The following DAB1 variants were observed in gnomAD, a reference collection of about 807,000 sequenced individuals.
The protein encoded by DAB1 is disabled homolog 1.
Under a neutral mutation model 64.6 loss-of-function variants are expected in DAB1, and 15 were observed. That is an observed-to-expected ratio of 0.23 (90% CI 0.16 to 0.36). The LOEUF (loss-of-function observed/expected upper bound fraction) is 0.36, where lower values mean the gene tolerates loss of function less well. Among genes scored for constraint, DAB1 ranks in the 10% least tolerant of loss-of-function variants. The pLI, the probability that DAB1 is intolerant of heterozygous loss-of-function variation, is 1.00. For missense variants in DAB1, 596 were observed against 706.7 expected, an observed-to-expected ratio of 0.84 and a Z score of 1.78; for synonymous variants, 235 against 251.9, an observed-to-expected ratio of 0.93 and a Z score of 0.64.
chr1:57,691,138 G>A (rs1396118343), intron 6 of DAB1, among the ~76,000 whole-genome samples: 2 of 152,146 alleles, frequency 1.3e-5, no homozygotes, highest in Non-Finnish European at 2.9e-5. Flanking sequence ...GGGACTTGGA[G>A]AAGTTTTCTG....
intron 4 of DAB1, among the ~76,000 whole-genome samples, chr1:58,269,058 C>T (rs1289041638): frequency 6.6e-6 from 1 of 150,722 alleles, no homozygotes; most frequent in Admixed American, 6.6e-5. Context: ...TACATGTGCA[C>T]ATTGTGCAGG....
chr1:57,477,742 T>C lies in DAB1; in HGVS notation n.625+171850A>G, dbSNP rs548565860. Among the ~76,000 whole-genome samples, 4 of 152,066 alleles carry C rather than the reference T, an allele frequency of 2.6e-5. No individual in the cohort carries two copies. The South Asian group carries it at 6.2e-4, about 24-fold the overall frequency. On this transcript the variant is annotated intron_variant and non_coding_transcript_variant, in intron 7 of 20. Transcript: ENST00000485760. ...AGGGTTGGGGCGATCACTCTGGTGG[T>C]GATGTGTAGGATGGCTCAGCAGAAC...
At chr1:57,712,587 G>A (rs902089003) in intron 6 of DAB1, among the ~76,000 whole-genome samples, 2 of 152,156 alleles carry the variant, frequency 1.3e-5, no homozygotes, top group African/African-American at 4.8e-5. Flanking sequence ...TCTCACTCAT[G>A]TGCTTCTGAT....
chr1:57,450,252 C>T (rs1040161021), intron 7 of DAB1, among the ~76,000 whole-genome samples: 5 of 152,210 alleles, frequency 3.3e-5, no homozygotes, highest in South Asian at 4.2e-4. Context: ...TATTATTTTA[C>T]GAATAGAATT....
chr1:58,128,813 G>C (rs1653317994), intron 5 of DAB1, among the ~76,000 whole-genome samples: 1 of 146,054 alleles, frequency 6.8e-6, no homozygotes, highest in South Asian at 2.4e-4. Flanking sequence ...AAGCCCACTT[G>C]ATCATGGTGG....
intron 9 of DAB1, among the ~76,000 whole-genome samples, chr1:57,050,178 T>G (rs1381295435): frequency 6.6e-6 from 1 of 152,204 alleles, no homozygotes; most frequent in Non-Finnish European, 1.5e-5. Context: ...TTAGATCCCC[T>G]CTATTAAACT....
intron 2 of DAB1, among the ~76,000 whole-genome samples, chr1:57,199,090 TG>T (rs1664882181): frequency 6.6e-6 from 1 of 152,048 alleles, no homozygotes; most frequent in Non-Finnish European, 1.5e-5. Context: ...AACCTGAGGC[TG>T]GGGGAAGGGA....
chr1:57,559,937 C>T (rs1645032157), intron 7 of DAB1, among the ~76,000 whole-genome samples: 1 of 152,206 alleles, frequency 6.6e-6, no homozygotes, highest in South Asian at 2.1e-4. Flanking sequence ...CACCATTCAG[C>T]TCTCTCATTT....
At chr1:57,223,067 G>A (rs1667000309) in intron 2 of DAB1, among the ~76,000 whole-genome samples, 2 of 152,220 alleles carry the variant, frequency 1.3e-5, no homozygotes, top group South Asian at 4.2e-4. Flanking sequence ...TTCTCTGAAT[G>A]CTCCTGCAGA....
At chr1:57,290,244 T>A (rs1672662002) in intron 2 of DAB1, among the ~76,000 whole-genome samples, 2 of 150,512 alleles carry the variant, frequency 1.3e-5, no homozygotes, top group Non-Finnish European at 1.5e-5. Context: ...AGGAGTCAGT[T>A]CAGGAAAAAA....
chr1:58,360,636 T>G (rs1372327560), intron 3 of DAB1, among the ~76,000 whole-genome samples: 1 of 151,350 alleles, frequency 6.6e-6, no homozygotes, highest in Non-Finnish European at 1.5e-5. Context: ...GGAAGAGGAG[T>G]CACTCAGAGA....
At chr1:57,400,082 T>C (rs1325826022) in intron 1 of DAB1, among the ~76,000 whole-genome samples, 1 of 152,192 alleles carries the variant, frequency 6.6e-6, no homozygotes, top group Non-Finnish European at 1.5e-5. Flanking sequence ...GGAATTATCA[T>C]CTAAATGTCT....
At chr1:57,169,622 AC>A (rs1029188331) in intron 2 of DAB1, among the ~76,000 whole-genome samples, 2 of 152,142 alleles carry the variant, frequency 1.3e-5, no homozygotes, top group African/African-American at 4.8e-5. Flanking sequence ...TAGCAAAAGA[AC>A]CCTGCAAAAG....
At chr1:57,285,196 C>G (rs1672214900) in intron 2 of DAB1, among the ~76,000 whole-genome samples, 1 of 152,200 alleles carries the variant, frequency 6.6e-6, no homozygotes, top group South Asian at 2.1e-4. Flanking sequence ...CACTAACACA[C>G]TGACTAAGCC....
chr1:58,013,815 A>G (rs534771276), intron 5 of DAB1, among the ~76,000 whole-genome samples: 1 of 152,234 alleles, frequency 6.6e-6, no homozygotes, highest in South Asian at 2.1e-4. Flanking sequence ...TCATGGTGGG[A>G]GTGCTTACAC....
At chr1:58,112,882 G>A (rs193106865) in intron 5 of DAB1, among the ~76,000 whole-genome samples, 6 of 152,210 alleles carry the variant, frequency 3.9e-5, no homozygotes, top group Non-Finnish European at 5.9e-5. Flanking sequence ...GAAGGCTGTG[G>A]GGACACTCTT....
chr1:58,117,724 A>G (rs1557657190), intron 5 of DAB1, among the ~76,000 whole-genome samples: 1 of 152,144 alleles, frequency 6.6e-6, no homozygotes, highest in Non-Finnish European at 1.5e-5. Context: ...AAAAATTAAG[A>G]TTAGAAACGG....
At chr1:57,705,425 T>A (rs1447217124) in intron 6 of DAB1, among the ~76,000 whole-genome samples, 1 of 152,194 alleles carries the variant, frequency 6.6e-6, no homozygotes, top group Non-Finnish European at 1.5e-5. Flanking sequence ...TACTAATAAC[T>A]ATGGATTTGC....
chr1:57,007,435 T>C (rs1441582852), intron 14 of DAB1, among the ~76,000 whole-genome samples: 2 of 152,230 alleles, frequency 1.3e-5, no homozygotes, highest in Non-Finnish European at 2.9e-5. Flanking sequence ...CCAGTCATTA[T>C]AATATTATTT....
Sources: gnomAD v4.1 joint callset for allele counts (sites outside exome capture counted in the v4.1 genomes callset) on GRCh38, gnomAD v4.1.1 for gene constraint, MANE v1.5 for transcripts, NCBI Gene and HGNC (gene_info 2026-07-23, HGNC 2026-07-21) for gene names.